TENM1: variants seen among roughly 807,000 people sequenced by gnomAD.
TENM1 encodes teneurin-1.
A neutral mutation model predicts 174.8 loss-of-function variants in TENM1; 35 were observed. The observed-to-expected ratio is 0.20, with a 90% CI of 0.15 to 0.27. The LOEUF (loss-of-function observed/expected upper bound fraction) is 0.27, where lower values mean the gene tolerates loss of function less well. Ranked by LOEUF, TENM1 falls within the 10% of genes least tolerant of loss-of-function variation. The pLI, the probability that TENM1 is intolerant of heterozygous loss-of-function variation, is 1.00. For synonymous variants in TENM1, 781 were observed against 798.7 expected, an observed-to-expected ratio of 0.98 and a Z score of 0.37; for missense variants, 1,633 against 2,130.1, an observed-to-expected ratio of 0.77 and a Z score of 4.59.
At chrX:125,151,575 T>C in the TENM1 span, among the ~76,000 whole-genome samples, 1 of 112,451 alleles carries the variant, frequency 8.9e-6, no homozygotes, top group Non-Finnish European at 1.9e-5. Context: ...GTATAGTACA[T>C]ACAAACAGTA....
At chrX:125,128,340 A>G in the TENM1 span, among the ~76,000 whole-genome samples, 1 of 111,805 alleles carries the variant, frequency 8.9e-6, no homozygotes, top group Admixed American at 9.5e-5. Flanking sequence ...GACACTGAGC[A>G]AATACCTTCT....
At chrX:124,968,095 A>G (rs1334945605), upstream of TENM1, among the ~76,000 whole-genome samples, 1 of 112,186 alleles carries the variant, frequency 8.9e-6, no homozygotes, top group Admixed American at 9.5e-5. Context: ...GCTGAGTGGG[A>G]TAAAACATAT....
At chrX:124,994,793 A>C in the TENM1 span, among the ~76,000 whole-genome samples, 2 of 110,510 alleles carry the variant, frequency 1.8e-5, no homozygotes, top group African/African-American at 6.6e-5. Flanking sequence ...CTCATAAGTG[A>C]TCTCCATCCT....
intron 20 of TENM1, among the ~76,000 whole-genome samples, chrX:124,487,920 G>C (rs2046985867): frequency 8.9e-6 from 1 of 111,946 alleles, no homozygotes; most frequent in Non-Finnish European, 1.9e-5. Flanking sequence ...TTTTCTTTTA[G>C]ACCATGACAG....
the TENM1 span, among the ~76,000 whole-genome samples, chrX:125,154,567 T>C: frequency 2.7e-5 from 3 of 111,587 alleles, no homozygotes; most frequent in Non-Finnish European, 5.6e-5. Flanking sequence ...TCACCTAGAG[T>C]ACTGTTTGTC....
intron 14 of TENM1, among the ~76,000 whole-genome samples, chrX:124,547,384 C>T (rs1163110508): frequency 1.8e-5 from 2 of 111,965 alleles, no homozygotes; most frequent in Non-Finnish European, 3.8e-5. Flanking sequence ...TTTGGGTAAA[C>T]AATTCTATTA....
In TENM1 at chrX:124,896,222, G is replaced by C. The variant is rs766391889; in HGVS notation, c.237C>G (p.Thr79=). 4.4e-5 allele frequency: 53 copies of C among 1,203,232 alleles called. No individual in the cohort carries two copies. The Admixed American group carries it at 6.8e-4, about 16-fold the overall frequency. ...GGTAGCCAGAGCACAGAGTGTGAGA[G>C]GTTTCACAGAATTCCATCTCTGAGA... The change falls in exon 2 of 32, where the codon ACC becomes ACG. Residue 79 remains threonine (T), a synonymous_variant. Coordinates refer to ENST00000422452, the Ensembl canonical transcript of TENM1.
At chrX:125,032,417 G>A in the TENM1 span, among the ~76,000 whole-genome samples, 13 of 110,589 alleles carry the variant, frequency 1.2e-4, no homozygotes, top group Non-Finnish European at 2.3e-4. Flanking sequence ...TGATCCATCC[G>A]CCTCGGCCTC....
chrX:124,605,581 G>T (rs1016040743), intron 11 of TENM1, among the ~76,000 whole-genome samples: 6 of 111,059 alleles, frequency 5.4e-5, no homozygotes, highest in African/African-American at 1.6e-4. Context: ...AGTAATGTTT[G>T]CTTTTCTCAG....
chrX:124,561,977 A>C lies in TENM1; in HGVS notation c.2288-160T>G, dbSNP rs1443512240. Reference sequence around the variant, plus strand: ...GCTTGCTTGCCTGCAAAACCTTCCCAGGGAACTTGTTATCCCTTACTCTGC... The same window carrying C: ...GCTTGCTTGCCTGCAAAACCTTCCCCGGGAACTTGTTATCCCTTACTCTGC... On this transcript the variant is annotated intron_variant, in intron 13 of 31. Coordinates refer to ENST00000422452, the Ensembl canonical transcript of TENM1. 3.6e-5 allele frequency among the ~76,000 whole-genome samples: 4 copies of C among 112,292 alleles called. No homozygotes were observed. In the East Asian group the frequency reaches 1.1e-3, roughly 32 times the overall value.
chrX:125,073,034 A>C, the TENM1 span, among the ~76,000 whole-genome samples: 1 of 111,336 alleles, frequency 9.0e-6, no homozygotes, highest in Non-Finnish European at 1.9e-5. Context: ...CACAAATATC[A>C]AATATATGAG....
At chrX:124,548,012 AT>A (rs1385003912) in intron 14 of TENM1, among the ~76,000 whole-genome samples, 1 of 110,769 alleles carries the variant, frequency 9.0e-6, no homozygotes, top group Admixed American at 9.5e-5. Flanking sequence ...AATTTTTTGT[AT>A]TTTTAGTAGA....
At chrX:125,158,525 A>C in the TENM1 span, among the ~76,000 whole-genome samples, 1 of 110,623 alleles carries the variant, frequency 9.0e-6, no homozygotes, top group Non-Finnish European at 1.9e-5. Flanking sequence ...GGTCATGGTT[A>C]TCCACATGAT....
chrX:124,897,871 C>T (rs2057589957), intron 1 of TENM1, among the ~76,000 whole-genome samples: 1 of 112,217 alleles, frequency 8.9e-6, no homozygotes, highest in African/African-American at 3.2e-5. Context: ...CTTCTTCCTG[C>T]CATAAGGCTA....
chrX:125,184,798 A>G, the TENM1 span, among the ~76,000 whole-genome samples: 33 of 111,635 alleles, frequency 3.0e-4, no homozygotes, highest in Non-Finnish European at 5.1e-4. Flanking sequence ...AGATATAGGT[A>G]GCAAAGGGAA....
At chrX:124,679,992 G>A (rs1220492125) in intron 5 of TENM1, among the ~76,000 whole-genome samples, 1 of 111,246 alleles carries the variant, frequency 9.0e-6, no homozygotes, top group Non-Finnish European at 1.9e-5. Context: ...TTGAAAACCC[G>A]AAAAGCTGTT....
At chrX:124,833,196 C>T (rs898431409) in intron 3 of TENM1, among the ~76,000 whole-genome samples, 22 of 111,780 alleles carry the variant, frequency 2.0e-4, no homozygotes, top group African/African-American at 6.8e-4. Context: ...GAGGTGTTTA[C>T]TAACATTCTT....
chrX:125,155,056 G>GC, the TENM1 span, among the ~76,000 whole-genome samples: 1 of 111,551 alleles, frequency 9.0e-6, no homozygotes, highest in Non-Finnish European at 1.9e-5. Context: ...CTCTTACCTG[G>GC]CCCCACCCAC....
At chrX:124,736,849 G>T in intron 4 of TENM1, 108 bp downstream of exon 7, 1 of 1,020,081 alleles carries the variant, frequency 9.8e-7, no homozygotes, top group Non-Finnish European at 1.3e-6. Flanking sequence ...ATCGGTTTGT[G>T]CATTTGTGTG....
Sources: allele counts gnomAD v4.1 joint callset (sites outside exome capture counted in the v4.1 genomes callset), GRCh38; gene constraint gnomAD v4.1.1; transcripts MANE v1.5; gene names NCBI Gene and HGNC (gene_info 2026-07-23, HGNC 2026-07-21).